B4GALNT2: variants seen among roughly 807,000 people sequenced by gnomAD.
B4GALNT2 encodes N-acetylneuraminylgalactosylglucosyl-glucoside beta-1,4-N- acetylgalactosaminyltransferase 2.
A neutral mutation model predicts 51.1 loss-of-function variants in B4GALNT2; 42 were observed. The ratio of observed to expected loss-of-function variants is 0.82; its 90% CI spans 0.64 to 1.06. The LOEUF is 1.06. Among genes scored for constraint, B4GALNT2 ranks in the 50% least tolerant of loss-of-function variants. B4GALNT2 has a pLI of 0.00. For missense variants in B4GALNT2, 602 were observed against 633.6 expected (o/e 0.95, Z 0.54); for synonymous variants, 253 against 251.7 (o/e 1.01, Z -0.05).
At chr17:49,142,986 C>T (rs1174923513) in intron 3 of B4GALNT2, among the ~76,000 whole-genome samples, 3 of 152,196 alleles carry the variant, frequency 2.0e-5, no homozygotes, top group Non-Finnish European at 2.9e-5. Flanking sequence ...CGGTGGCTCA[C>T]GCCTGTAATC....
intron 8 of B4GALNT2, 24 bp downstream of exon 8, chr17:49,164,299 G>C: frequency 6.3e-7 from 1 of 1,591,920 alleles, no homozygotes; most frequent in African/African-American, 1.3e-5. Flanking sequence ...AGATTGGGTG[G>C]CACCTGCATT....
the B4GALNT2 span, among the ~76,000 whole-genome samples, chr17:49,124,151 A>G: frequency 6.6e-6 from 1 of 152,258 alleles, no homozygotes; most frequent in Non-Finnish European, 1.5e-5. Flanking sequence ...ACAAAGGATT[A>G]GCAATATTTT....
intron 1 of B4GALNT2, among the ~76,000 whole-genome samples, chr17:49,140,974 C>T (rs1382828041): frequency 6.6e-6 from 1 of 151,986 alleles, no homozygotes; most frequent in African/African-American, 2.4e-5. Flanking sequence ...GCCTCGGCCT[C>T]CCAAAATGCT....
intron 3 of B4GALNT2, among the ~76,000 whole-genome samples, chr17:49,147,096 C>T (rs903212465): frequency 6.6e-6 from 1 of 152,184 alleles, no homozygotes; most frequent in African/African-American, 2.4e-5. Context: ...CCGGAGAATG[C>T]ATGACTGATG....
chr17:49,156,546 C>T lies in B4GALNT2; in HGVS notation c.461-20C>T. On this transcript the variant is annotated intron_variant, in intron 4 of 10. Coordinates refer to ENST00000393354, the MANE Select transcript of B4GALNT2 (RefSeq NM_001159387.2). The stretch of plus-strand genomic sequence containing the variant: ...TGTCTTTCATGAGCAGTTTTCTTTC[C>T]TTTTCCCTGTGTCCTCCAGGCCTCC... 1.2e-6 allele frequency: 2 copies of T among 1,613,660 alleles called. No individual in the cohort carries two copies. Among genetic ancestry groups the T allele is most frequent in the Non-Finnish European group, 1.7e-6 (2 of 1,179,798 alleles).
chr17:49,126,388 G>C, the B4GALNT2 span, among the ~76,000 whole-genome samples: 1 of 151,482 alleles, frequency 6.6e-6, no homozygotes, highest in Non-Finnish European at 1.5e-5. Context: ...GCTCTGCCTA[G>C]GAAAACCAGA....
At chr17:49,131,971 AATT>A (rs1283441078), upstream of B4GALNT2, among the ~76,000 whole-genome samples, 3 of 152,018 alleles carry the variant, frequency 2.0e-5, no homozygotes, top group Non-Finnish European at 1.5e-5. Context: ...CCTCTCTACA[AATT>A]ATTATTATTA....
intron 8 of B4GALNT2, among the ~76,000 whole-genome samples, chr17:49,165,132 CG>C (rs1311399711): frequency 6.6e-6 from 1 of 152,002 alleles, no homozygotes; most frequent in Non-Finnish European, 1.5e-5. Flanking sequence ...TCCTCATTTC[CG>C]ATGTGGAAAT....
intron 7 of B4GALNT2, among the ~76,000 whole-genome samples, chr17:49,162,568 C>T (rs2042874476): frequency 6.6e-6 from 1 of 152,094 alleles, no homozygotes; most frequent in South Asian, 2.1e-4. Context: ...ATATTTATAT[C>T]TGTGTGAAAT....
chr17:49,160,805 C>T (rs1176747303), intron 7 of B4GALNT2, among the ~76,000 whole-genome samples, 164 bp downstream of exon 7: 1 of 152,044 alleles, frequency 6.6e-6, no homozygotes, highest in African/African-American at 2.4e-5. Context: ...AGACACAATC[C>T]CCTAAAATTG....
chr17:49,121,907 A>G, the B4GALNT2 span, among the ~76,000 whole-genome samples: 2 of 152,240 alleles, frequency 1.3e-5, no homozygotes, highest in African/African-American at 4.8e-5. Flanking sequence ...AAAATGGCTC[A>G]ACAGTTAAAG....
In B4GALNT2 at chr17:49,173,698, A is replaced by C. The variant is rs1440258105; in HGVS notation, c.*3970A>C. On this transcript the variant is annotated 3_prime_UTR_variant, in exon 11 of 11. Coordinates refer to ENST00000393354, the MANE Select transcript of B4GALNT2 (RefSeq NM_001159387.2). Reference sequence around the variant, plus strand: ...AATCTGAGTTCTCCCATTTCCTATCATAGTAGCGATTTGATCCAAATAAGG... The same window carrying C: ...AATCTGAGTTCTCCCATTTCCTATCCTAGTAGCGATTTGATCCAAATAAGG... 6.6e-6 allele frequency: 1 copy of C among 152,154 alleles called. No individual in the cohort carries two copies. Among genetic ancestry groups the C allele is most frequent in the African/African-American group, 2.4e-5 (1 of 41,424 alleles). The allele number at this position is 152,154 out of a possible 1,614,324, so 9.4% of individuals were successfully genotyped here. A position where few individuals can be genotyped will look rare whatever the true frequency, so the allele number is the denominator to read the frequency against.
At position 49,164,238 on chromosome 17, in the gene B4GALNT2, A is replaced by T. The variant is rs1463913625; in HGVS notation, c.917A>T (p.Asp306Val). ...AGCCAGAAGCCCCTGGAAATTAAAG[A>T]CAATCACGTGGAGTATTACACTATG... ...DDSQKPLEIKDNHVEYYTMPF... is the reference protein window; with the variant it reads ...DDSQKPLEIKVNHVEYYTMPF... Residue 306 changes from aspartate (D) to valine (V), a missense_variant, in exon 8 of 11, where the codon GAC (aspartate) becomes GTC (valine). By Grantham distance (152) the Asp-to-Val change is radical. Coordinates refer to ENST00000393354, the MANE Select transcript of B4GALNT2 (RefSeq NM_001159387.2). 1.9e-6 allele frequency: 3 copies of T among 1,613,604 alleles called. No homozygotes were observed. The highest frequency in any genetic ancestry group is 1.7e-6 in the Non-Finnish European group (2 of 1,179,542).
rs528299676 is a variant in B4GALNT2, at chr17:49,172,976, C to T, written c.*3248C>T. On this transcript the variant is annotated 3_prime_UTR_variant, in exon 11 of 11. Transcript: ENST00000393354. ...ATGCACCATTTGGCAAGTTGGGCAT[C>T]GCTGGATAATAGCTTTAGCTTCTTT... The T allele has an allele frequency of 4.6e-5, 7 of 152,372 alleles. No homozygotes were observed. In the East Asian group the frequency reaches 5.8e-4, roughly 13 times the overall value. 9.4% of individuals were successfully genotyped at this position (152,372 alleles called of 1,614,324 possible).
In B4GALNT2 at chr17:49,168,729, GA is replaced by G. The variant is rs774897927; in HGVS notation, c.1146del (p.Glu382AspfsTer27). The G allele has an allele frequency of 1.2e-6, 2 of 1,614,138 alleles. No individual in the cohort carries two copies. The highest frequency in any genetic ancestry group is 2.7e-5 in the African/African-American group (2 of 75,044). ...TGTGTTCCAGTTTAAGTTGTTGCTGGAACAGAGTGAGAATGGGGCCTGCCTT... is the reference window on the plus strand; with the variant it reads ...TGTGTTCCAGTTTAAGTTGTTGCTGGACAGAGTGAGAATGGGGCCTGCCTT... ...GNVFQFKLLL[E>X]QSENGACLHK... On this transcript the variant is annotated frameshift_variant, in exon 10 of 11. Transcript: ENST00000393354. LOFTEE classifies it high-confidence loss of function.
chr17:49,156,834 C>G (rs922550458), intron 5 of B4GALNT2, among the ~76,000 whole-genome samples: 1 of 152,218 alleles, frequency 6.6e-6, no homozygotes, highest in African/African-American at 2.4e-5. Flanking sequence ...CCACTGGCTG[C>G]TGCTGCTTCT....
At chr17:49,147,230 G>T (rs2042702542) in intron 3 of B4GALNT2, among the ~76,000 whole-genome samples, 1 of 152,144 alleles carries the variant, frequency 6.6e-6, no homozygotes, top group East Asian at 1.9e-4. Context: ...CTCAGTTGAG[G>T]CTGATTGGTC....
At chr17:49,133,135 G>T (rs1298771715) in intron 1 of B4GALNT2, 1 of 1,528,276 alleles carries the variant, frequency 6.5e-7, no homozygotes, top group South Asian at 1.3e-5. Context: ...GGGAGTGCGG[G>T]CTTCGGGGCT....
chr17:49,166,989 C>T (rs1451711044), intron 9 of B4GALNT2, among the ~76,000 whole-genome samples: 1 of 151,870 alleles, frequency 6.6e-6, no homozygotes, highest in Non-Finnish European at 1.5e-5. Context: ...ATAATAAAAA[C>T]ATCAAAAGTA....
Sources: allele counts gnomAD v4.1 joint callset (sites outside exome capture counted in the v4.1 genomes callset), GRCh38; gene constraint gnomAD v4.1.1; transcripts MANE v1.5; gene names NCBI Gene and HGNC (gene_info 2026-07-23, HGNC 2026-07-21).